Variants in ANKRD28 observed in about 807,000 individuals in gnomAD.
ANKRD28 encodes serine/threonine-protein phosphatase 6 regulatory ankyrin repeat subunit A.
ANKRD28 carries 44 observed loss-of-function variants against 126.5 expected under a neutral mutation model. The observed-to-expected ratio is 0.35, with a 90% CI of 0.27 to 0.45. ANKRD28 has a LOEUF of 0.45. Among genes scored for constraint, ANKRD28 ranks in the 20% least tolerant of loss-of-function variants. The pLI is 1.00. For synonymous variants in ANKRD28, 442 were observed against 468.5 expected (o/e 0.94, Z 0.73); for missense variants, 1,110 against 1,316.6 (o/e 0.84, Z 2.43).
chr3:15,714,804 G>T, intron 8 of ANKRD28, 148 bp from the exon 9 acceptor site: 2 of 480,758 alleles, frequency 4.2e-6, no homozygotes, highest in Non-Finnish European at 7.1e-6. Flanking sequence ...TAAAACAGCT[G>T]TTTAAAATTA....
At chr3:15,852,957 C>T (rs1225380226) in intron 1 of ANKRD28, among the ~76,000 whole-genome samples, 1 of 150,606 alleles carries the variant, frequency 6.6e-6, no homozygotes, top group Non-Finnish European at 1.5e-5. Context: ...AATCAGCATA[C>T]ACATAGAAGA....
intron 4 of ANKRD28, among the ~76,000 whole-genome samples, chr3:15,746,311 CT>C (rs1213315862): frequency 2.6e-5 from 4 of 152,146 alleles, no homozygotes; most frequent in African/African-American, 2.4e-5. Flanking sequence ...ATGCTTTAAA[CT>C]TTTCCCCATT....
chr3:15,697,841 G>C (rs943164138), intron 14 of ANKRD28, among the ~76,000 whole-genome samples: 5 of 152,132 alleles, frequency 3.3e-5, no homozygotes, highest in African/African-American at 1.2e-4. Context: ...GTAGAATTCG[G>C]CTGTGAATCC....
intron 6 of ANKRD28, among the ~76,000 whole-genome samples, chr3:15,728,779 T>C (rs2074370854): frequency 6.6e-6 from 1 of 152,184 alleles, no homozygotes; most frequent in African/African-American, 2.4e-5. Context: ...CTTTAGAACA[T>C]GCAGCCAAAA....
intron 3 of ANKRD28, among the ~76,000 whole-genome samples, chr3:15,764,053 A>G: frequency 6.6e-6 from 1 of 151,840 alleles, no homozygotes; most frequent in East Asian, 1.9e-4. Flanking sequence ...GTGAAACCCC[A>G]TCTCTTACTA....
chr3:15,721,183 TGTG>T, intron 7 of ANKRD28, 56 bp from the exon 8 acceptor site: 1 of 1,496,962 alleles, frequency 6.7e-7, no homozygotes, highest in Non-Finnish European at 9.1e-7. Flanking sequence ...TTATCAATGT[TGTG>T]AGCTATTTTA....
At chr3:15,759,417 C>T (rs926128403) in intron 3 of ANKRD28, among the ~76,000 whole-genome samples, 1 of 152,128 alleles carries the variant, frequency 6.6e-6, no homozygotes, top group African/African-American at 2.4e-5. Flanking sequence ...TATTTCACCC[C>T]ATTCCATAAT....
intron 6 of ANKRD28, among the ~76,000 whole-genome samples, chr3:15,735,198 T>A (rs1411801931): frequency 6.6e-6 from 1 of 151,978 alleles, no homozygotes; most frequent in African/African-American, 2.4e-5. Flanking sequence ...TAAGGGTAAA[T>A]GGAATTAATT....
At chr3:15,747,166 CT>C (rs569471227) in intron 4 of ANKRD28, among the ~76,000 whole-genome samples, 9,631 of 139,030 alleles carry the variant, frequency 0.069, 596 homozygotes, top group African/African-American at 0.17. Context: ...TTTATCTTTC[CT>C]TTTTTTTTTT....
At chr3:15,679,421 T>C (rs2067289283) in intron 22 of ANKRD28, 37 bp from the exon 23 acceptor site, 1 of 1,613,000 alleles carries the variant, frequency 6.2e-7, no homozygotes, top group Non-Finnish European at 8.5e-7. Flanking sequence ...CTCACAGCAA[T>C]GGTGTATTTC....
chr3:15,785,529 T>A (rs1291381523), intron 2 of ANKRD28, among the ~76,000 whole-genome samples: 1 of 152,030 alleles, frequency 6.6e-6, no homozygotes, highest in Non-Finnish European at 1.5e-5. Context: ...TACGCACCTA[T>A]TAGAATGGTC....
At chr3:15,859,613 A>G in exon 1 of ANKRD28, 1 of 168,556 alleles carries the variant, frequency 5.9e-6, no homozygotes, top group Non-Finnish European at 1.1e-5. Flanking sequence ...CGCCGCCGAG[A>G]GGTGAGGTGC....
chr3:15,833,575 A>G lies in ANKRD28; in HGVS notation c.27+25802T>C, dbSNP rs1220213574. On this transcript the variant is annotated intron_variant, in intron 1 of 27. Coordinates refer to the ANKRD28 transcript ENST00000399451. The surrounding 1 kb of genome is among the most constrained non-coding windows in gnomAD (Gnocchi z 4.4). ...ATATAATGTGTGTGTGTATATATATATCTCCTATTAGTTCTGTCCCTCTAG... is the reference window on the plus strand; with the variant it reads ...ATATAATGTGTGTGTGTATATATATGTCTCCTATTAGTTCTGTCCCTCTAG... Among the ~76,000 whole-genome samples, 3 of 150,356 alleles carry G rather than the reference A, an allele frequency of 2.0e-5. No homozygotes were observed. The highest frequency in any genetic ancestry group is 6.6e-5 in the Admixed American group (1 of 15,054).
intron 2 of ANKRD28, among the ~76,000 whole-genome samples, chr3:15,778,825 G>T (rs576794502): frequency 6.6e-6 from 1 of 152,282 alleles, no homozygotes; most frequent in Admixed American, 6.5e-5. Flanking sequence ...TAATCCCTAC[G>T]TGTCAAGGAT....
At chr3:15,755,944 C>T (rs2058129840) in intron 3 of ANKRD28, among the ~76,000 whole-genome samples, 1 of 152,212 alleles carries the variant, frequency 6.6e-6, no homozygotes, top group African/African-American at 2.4e-5. Flanking sequence ...AAAGACAACA[C>T]ACATAGCAAT....
chr3:15,681,670 A>G (rs2067560912), intron 21 of ANKRD28, among the ~76,000 whole-genome samples: 1 of 152,316 alleles, frequency 6.6e-6, no homozygotes, highest in East Asian at 1.9e-4. Context: ...ATTGTGGAAA[A>G]GTAATTTTTA....
chr3:15,770,693 T>C (rs1260745476), intron 2 of ANKRD28, among the ~76,000 whole-genome samples: 1 of 152,224 alleles, frequency 6.6e-6, no homozygotes, highest in Admixed American at 6.5e-5. Flanking sequence ...TCCCAACTCC[T>C]GATATTTACT....
intron 14 of ANKRD28, among the ~76,000 whole-genome samples, chr3:15,702,023 T>G (rs775358071): frequency 7.2e-5 from 11 of 152,350 alleles, no homozygotes; most frequent in Non-Finnish European, 1.0e-4. Flanking sequence ...AATACAAAAC[T>G]TATTCTAATA....
chr3:15,685,667 G>A (rs1222629615), intron 20 of ANKRD28, among the ~76,000 whole-genome samples: 1 of 152,156 alleles, frequency 6.6e-6, no homozygotes, highest in East Asian at 1.9e-4. Context: ...AACAGGAAGA[G>A]AGAAACTTGG....
Sources: allele counts gnomAD v4.1 joint callset (sites outside exome capture counted in the v4.1 genomes callset), GRCh38; gene constraint gnomAD v4.1.1; non-coding constraint Gnocchi (gnomAD v3.1); transcripts MANE v1.5; gene names NCBI Gene and HGNC (gene_info 2026-07-23, HGNC 2026-07-21).